Variants in ZC3H3 observed in about 807,000 individuals in gnomAD.
The protein encoded by ZC3H3 is zinc finger CCCH domain-containing protein 3.
Under a neutral mutation model 77.3 loss-of-function variants are expected in ZC3H3, and 36 were observed. The observed-to-expected ratio is 0.47, with a 90% CI of 0.36 to 0.61. The LOEUF is 0.61. Among genes scored for constraint, ZC3H3 ranks in the 20% least tolerant of loss-of-function variants. The pLI is 0.00. For synonymous variants in ZC3H3, 626 were observed against 555.2 expected (o/e 1.13, Z -1.79); for missense variants, 1,331 against 1,312.2 (o/e 1.01, Z -0.22).
intron 4 of ZC3H3, among the ~76,000 whole-genome samples, chr8:143,495,946 C>T (rs1821339031): frequency 6.6e-6 from 1 of 152,096 alleles, no homozygotes; most frequent in Non-Finnish European, 1.5e-5. Flanking sequence ...ATGCCTCCCA[C>T]TATACGTAAA....
chr8:143,498,809 G>C (rs1337025760), intron 4 of ZC3H3, among the ~76,000 whole-genome samples: 1 of 128,952 alleles, frequency 7.8e-6, no homozygotes. Flanking sequence ...GGGGCGGAGG[G>C]GCACAGGGCG....
At chr8:143,477,395 C>T (rs1820766144) in intron 4 of ZC3H3, among the ~76,000 whole-genome samples, 2 of 152,328 alleles carry the variant, frequency 1.3e-5, no homozygotes, top group East Asian at 1.9e-4. Context: ...GCGCCCTGCA[C>T]ACTCCAGCTG....
chr8:143,478,039 C>T (rs1005701046), intron 4 of ZC3H3, among the ~76,000 whole-genome samples: 1 of 152,202 alleles, frequency 6.6e-6, no homozygotes, highest in African/African-American at 2.4e-5. Context: ...ATCCTGCATG[C>T]CTGACCCCGC....
intron 4 of ZC3H3, among the ~76,000 whole-genome samples, chr8:143,477,142 G>T (rs1201615636): frequency 6.6e-6 from 1 of 152,248 alleles, no homozygotes; most frequent in Non-Finnish European, 1.5e-5. Context: ...CTGCAAGCTG[G>T]GGTAATTCTC....
At chr8:143,461,694 C>T (rs1190412105) in intron 9 of ZC3H3, among the ~76,000 whole-genome samples, 2 of 152,090 alleles carry the variant, frequency 1.3e-5, no homozygotes, top group Non-Finnish European at 2.9e-5. Flanking sequence ...CAGGACAGAC[C>T]TCCAAACATG....
At chr8:143,474,806 A>G (rs1222987713) in intron 5 of ZC3H3, among the ~76,000 whole-genome samples, 1 of 152,246 alleles carries the variant, frequency 6.6e-6, no homozygotes, top group Non-Finnish European at 1.5e-5. Context: ...AGTGAATCCA[A>G]AGCATTTCCT....
chr8:143,530,525 G>A lies in ZC3H3; in HGVS notation c.1561+5732C>T, dbSNP rs994904923. On this transcript the variant is annotated intron_variant, in intron 3 of 11. Coordinates refer to ENST00000262577, the MANE Select transcript of ZC3H3 (RefSeq NM_015117.3). This position sits in a 1 kb window ranked among gnomAD's most constrained non-coding sequence, Gnocchi z 4.3. ...AGCTCCCCAGCCTGGGCACAGGGTGGTGGGTGGGAGAGCTGGCCCTCACTC... is the reference window on the plus strand; with the variant it reads ...AGCTCCCCAGCCTGGGCACAGGGTGATGGGTGGGAGAGCTGGCCCTCACTC... Among the ~76,000 whole-genome samples the A allele has an allele frequency of 6.6e-6, 1 of 152,062 alleles. No individual in the cohort carries two copies. Among genetic ancestry groups the A allele is most frequent in the Admixed American group, 6.5e-5 (1 of 15,276 alleles).
chr8:143,448,333 C>T (rs1819909701), intron 9 of ZC3H3, among the ~76,000 whole-genome samples: 1 of 151,928 alleles, frequency 6.6e-6, no homozygotes, highest in Non-Finnish European at 1.5e-5. Flanking sequence ...CCAGGCAAGT[C>T]CTTTCTACCT....
intron 4 of ZC3H3, among the ~76,000 whole-genome samples, chr8:143,491,805 G>A (rs747294506): frequency 4.6e-5 from 7 of 152,220 alleles, no homozygotes; most frequent in Non-Finnish European, 1.0e-4. Context: ...CCTAGAGAAG[G>A]AGCAGAACAG....
At chr8:143,497,750 G>A (rs1300901240) in intron 4 of ZC3H3, among the ~76,000 whole-genome samples, 1 of 152,242 alleles carries the variant, frequency 6.6e-6, no homozygotes, top group African/African-American at 2.4e-5. Context: ...CTACATGGCT[G>A]TCTGGTACGG....
chr8:143,466,099 G>A (rs1343417657), intron 8 of ZC3H3, among the ~76,000 whole-genome samples: 1 of 152,224 alleles, frequency 6.6e-6, no homozygotes, highest in African/African-American at 2.4e-5. Flanking sequence ...CTGTAGCCCT[G>A]TGGCTCAGCC....
chr8:143,465,097 G>A (rs951404272), intron 9 of ZC3H3, among the ~76,000 whole-genome samples: 1 of 152,092 alleles, frequency 6.6e-6, no homozygotes, highest in Non-Finnish European at 1.5e-5. Flanking sequence ...CTGCAACACA[G>A]GAGTCAGTCA....
intron 5 of ZC3H3, among the ~76,000 whole-genome samples, chr8:143,471,787 T>C (rs974911146): frequency 1.1e-4 from 17 of 152,220 alleles, no homozygotes; most frequent in African/African-American, 2.7e-4. Flanking sequence ...TGCTGCACTT[T>C]CTTGTTGAAG....
chr8:143,516,346 G>A (rs887147956), intron 3 of ZC3H3, among the ~76,000 whole-genome samples: 2 of 152,152 alleles, frequency 1.3e-5, no homozygotes, highest in African/African-American at 4.8e-5. Context: ...GCAGGGCCAC[G>A]GGGCCGCTGG....
chr8:143,465,226 C>T (rs149270316), intron 9 of ZC3H3, among the ~76,000 whole-genome samples: 112 of 152,286 alleles, frequency 7.4e-4, no homozygotes, highest in East Asian at 5.4e-3. Context: ...TTGCCAGCCA[C>T]GGCTCAGGCG....
intron 4 of ZC3H3, among the ~76,000 whole-genome samples, chr8:143,500,130 G>GC (rs144835593): frequency 0.018 from 2,808 of 152,324 alleles, 79 homozygotes; most frequent in African/African-American, 0.064. Flanking sequence ...CCTTCTCTGA[G>GC]CCCCACACAG....
intron 4 of ZC3H3, among the ~76,000 whole-genome samples, chr8:143,503,051 G>A (rs1821573212): frequency 6.6e-6 from 1 of 152,212 alleles, no homozygotes; most frequent in Admixed American, 6.5e-5. Flanking sequence ...AGATGCGACG[G>A]GCACCACGCT....
intron 1 of ZC3H3, 102 bp from the exon 2 acceptor site, chr8:143,539,422 C>A (rs1466003124): frequency 4.7e-5 from 58 of 1,226,044 alleles, no homozygotes; most frequent in Non-Finnish European, 6.2e-5. Context: ...CAGATCCCAT[C>A]TCACTTCTGA....
At chr8:143,499,700 C>T (rs1821466098) in intron 4 of ZC3H3, among the ~76,000 whole-genome samples, 2 of 152,184 alleles carry the variant, frequency 1.3e-5, no homozygotes, top group African/African-American at 4.8e-5. Context: ...CAGCACCGGG[C>T]AGCAAGGATA....
Sources: allele counts gnomAD v4.1 joint callset (sites outside exome capture counted in the v4.1 genomes callset), GRCh38; gene constraint gnomAD v4.1.1; non-coding constraint Gnocchi (gnomAD v3.1); transcripts MANE v1.5; gene names NCBI Gene and HGNC (gene_info 2026-07-23, HGNC 2026-07-21).